The following ZNF532 variants were observed in gnomAD, a reference collection of about 807,000 sequenced individuals.
ZNF532 encodes the protein zinc finger protein 532.
A neutral mutation model predicts 89.3 loss-of-function variants in ZNF532; 22 were observed. The ratio of observed to expected loss-of-function variants is 0.25; its 90% CI spans 0.18 to 0.35. The LOEUF is 0.35. Ranked by LOEUF, ZNF532 falls within the 10% of genes least tolerant of loss-of-function variation. ZNF532 has a pLI of 1.00. For missense variants in ZNF532, 1,132 were observed against 1,643.4 expected (o/e 0.69, Z 5.38); for synonymous variants, 606 against 649.6 (o/e 0.93, Z 1.02).
At position 58,872,698 on chromosome 18, in the gene ZNF532, CT is replaced by C. The variant is rs146289274; in HGVS notation, c.-18+7138del. On this transcript the variant is annotated intron_variant, in intron 2 of 9. Transcript: ENST00000591808. The stretch of plus-strand genomic sequence containing the variant: ...CTTCTCTCTGCCTTCCAACATTTAT[CT>C]TTTTTTTTTTTTTTTTTTGAGACCG... Among the ~76,000 whole-genome samples the C allele has an allele frequency of 4.5e-3, 620 of 138,560 alleles. 2 individuals are homozygous for C. The highest frequency in any genetic ancestry group is 0.011 in the Admixed American group (153 of 13,704). 90.9% of individuals were successfully genotyped at this position (138,560 alleles called of 152,430 possible).
chr18:58,918,818 G>C lies in ZNF532; in HGVS notation c.531G>C (p.Lys177Asn). 6.2e-7 allele frequency: 1 copy of C among 1,614,220 alleles called. No individual in the cohort carries two copies. Among genetic ancestry groups the C allele is most frequent in the Non-Finnish European group, 8.5e-7 (1 of 1,180,044 alleles). Residue 177 changes from lysine to asparagine, a missense_variant, in exon 3 of 10, where the codon AAG becomes AAC. By Grantham distance (94) the Lys-to-Asn change is moderately conservative. Coordinates refer to ENST00000591808, the MANE Select transcript of ZNF532 (RefSeq NM_001375912.1). Reference sequence around the variant, plus strand: ...CCCAGCAGGACTACGATAAGCTGAAGGCACTCGGAGGGGAAAACTCCAGCA... The same window carrying C: ...CCCAGCAGGACTACGATAAGCTGAACGCACTCGGAGGGGAAAACTCCAGCA... The part of the protein sequence containing the change: ...SAPQQDYDKL[K>N]ALGGENSSKT...
rs1253356197 is a variant in ZNF532, at chr18:58,947,945, A to T, written c.2706-122A>T. The stretch of plus-strand genomic sequence containing the variant: ...TTGTTTCAGAGCTAATCGTTGTTCT[A>T]TTTATTGTGTTTGTGTGTTCTCAAT... On this transcript the variant is annotated intron_variant, in intron 5 of 9. Transcript: ENST00000591808. 1.4e-5 allele frequency: 12 copies of T among 865,138 alleles called. 1 individual carries two copies. In the African/African-American group the frequency reaches 1.9e-4, roughly 14 times the overall value. 53.6% of individuals were successfully genotyped at this position (865,138 alleles called of 1,614,324 possible).
intron 8 of ZNF532, chr18:58,980,857 A>T (rs2067681666): frequency 1.3e-5 from 2 of 152,552 alleles, no homozygotes; most frequent in Non-Finnish European, 2.9e-5. Context: ...TGTCAGGCTC[A>T]TCTCAAACTT....
chr18:58,871,413 C>A (rs1166027424), intron 2 of ZNF532, among the ~76,000 whole-genome samples: 2 of 152,148 alleles, frequency 1.3e-5, no homozygotes, highest in Non-Finnish European at 2.9e-5. Flanking sequence ...TCATTTGATA[C>A]CGAAATGATG....
chr18:58,901,039 T>C (rs990921212), intron 2 of ZNF532, among the ~76,000 whole-genome samples: 2 of 152,212 alleles, frequency 1.3e-5, no homozygotes, highest in African/African-American at 4.8e-5. Flanking sequence ...GTCCTTGCCA[T>C]GTATAAAATA....
chr18:58,979,991 C>G (rs777083995), intron 8 of ZNF532: 1 of 152,214 alleles, frequency 6.6e-6, no homozygotes, highest in African/African-American at 2.4e-5. Context: ...TGTCACTCAG[C>G]TGGAATATAC....
intron 6 of ZNF532, among the ~76,000 whole-genome samples, chr18:58,951,643 G>GTTGTTTTTTTTTTT (rs1568405760): frequency 4.3e-5 from 1 of 23,320 alleles, no homozygotes; most frequent in Non-Finnish European, 6.9e-5. Context: ...CCCTCGCCCT[G>GTTGTTTTTTTTTTT]TTGTTTTTTT....
intron 6 of ZNF532, among the ~76,000 whole-genome samples, chr18:58,951,980 C>G (rs1389303276): frequency 6.6e-5 from 10 of 152,168 alleles, no homozygotes. Flanking sequence ...GCCACTTTCA[C>G]TGTTGCCTGT....
intron 7 of ZNF532, among the ~76,000 whole-genome samples, chr18:58,975,014 G>T (rs1166922919): frequency 6.6e-6 from 1 of 152,198 alleles, no homozygotes; most frequent in African/African-American, 2.4e-5. Flanking sequence ...ATTTTTAGGA[G>T]CACCGATGTT....
intron 2 of ZNF532, among the ~76,000 whole-genome samples, chr18:58,900,079 T>C (rs1229305659): frequency 6.6e-6 from 1 of 152,218 alleles, no homozygotes; most frequent in Non-Finnish European, 1.5e-5. Flanking sequence ...CAGATCTCTT[T>C]GTCTAGAGGC....
intron 2 of ZNF532, among the ~76,000 whole-genome samples, chr18:58,872,735 T>TGTC (rs2057097437): frequency 1.3e-5 from 2 of 150,660 alleles, no homozygotes; most frequent in African/African-American, 4.9e-5. Context: ...AGTTTTGCTG[T>TGTC]GTCGCTCAGG....
chr18:58,981,653 T>C, intron 9 of ZNF532, 36 bp downstream of exon 9: 1 of 1,610,954 alleles, frequency 6.2e-7, no homozygotes, highest in Non-Finnish European at 8.5e-7. Flanking sequence ...ACAGTGAAAT[T>C]GTGTTGACTT....
At position 58,979,081 on chromosome 18, in the gene ZNF532, G is replaced by C. The variant is rs1191888455; in HGVS notation, c.3177G>C (p.Gln1059His). Residue 1059 changes from glutamine (Q) to histidine (H), a missense_variant, in exon 8 of 10, where the codon CAG becomes CAC. Physicochemically the swap from Gln to His is conservative, Grantham distance 24. This residue lies in a region of ZNF532 where 415 missense variants were observed against 604.8 expected (regional missense o/e 0.69). Transcript: ENST00000591808. ...GKQMKKHPCR[Q>H]CDKSFSSSHS... ...AAATGAAGAAACACCCCTGCCGCCA[G>C]TGTGACAAGTCTTTCAGCTCGTCCC... 2 of 1,612,020 alleles carry C rather than the reference G, an allele frequency of 1.2e-6. No individual in the cohort carries two copies. Among genetic ancestry groups the C allele is most frequent in the South Asian group, 1.1e-5 (1 of 90,960 alleles).
chr18:58,953,244 G>A (rs558880065), intron 6 of ZNF532: 2 of 270,180 alleles, frequency 7.4e-6, no homozygotes, highest in African/African-American at 2.2e-5. Flanking sequence ...ATTAATTTGT[G>A]TTCAATACAG....
chr18:58,982,748 TC>T (rs1253766804), intron 9 of ZNF532, among the ~76,000 whole-genome samples: 1 of 152,164 alleles, frequency 6.6e-6, no homozygotes, highest in African/African-American at 2.4e-5. Context: ...GAGTAAAACC[TC>T]CTCAGAATAT....
chr18:58,918,679 C>T lies in ZNF532; in HGVS notation c.392C>T (p.Pro131Leu). ...LKDSTFSQFS[P>L]ISSAEEFDDD... ...GACTCGACATTCAGCCAGTTTAGCC[C>T]GATCTCCAGTGCTGAAGAGTTTGAT... Residue 131 changes from proline (P) to leucine (L), a missense_variant, in exon 3 of 10, where the codon CCG becomes CTG. Pro to Leu is a moderately conservative substitution (Grantham distance 98). Transcript: ENST00000591808. 3 of 1,614,072 alleles carry T rather than the reference C, an allele frequency of 1.9e-6. No individual in the cohort carries two copies. Among genetic ancestry groups the T allele is most frequent in the Non-Finnish European group, 1.7e-6 (2 of 1,180,026 alleles).
intron 4 of ZNF532, among the ~76,000 whole-genome samples, chr18:58,939,154 C>T (rs543113437): frequency 2.1e-5 from 3 of 140,484 alleles, no homozygotes; most frequent in East Asian, 4.1e-4. Flanking sequence ...GGCTGAGGCA[C>T]GAGAATTGCT....
intron 2 of ZNF532, among the ~76,000 whole-genome samples, chr18:58,874,442 T>A (rs1040528743): frequency 6.6e-5 from 10 of 152,200 alleles, no homozygotes; most frequent in Non-Finnish European, 1.2e-4. Flanking sequence ...CCTCCCAGGT[T>A]CAAGCGATTC....
intron 2 of ZNF532, among the ~76,000 whole-genome samples, chr18:58,895,073 C>T (rs749232473): frequency 6.6e-6 from 1 of 152,258 alleles, no homozygotes; most frequent in Non-Finnish European, 1.5e-5. Context: ...CCCTGTGGCA[C>T]AGAGCCATTG....
Sources: gnomAD v4.1 joint callset for allele counts (sites outside exome capture counted in the v4.1 genomes callset) on GRCh38, gnomAD v4.1.1 for gene constraint, gnomAD v4.1.1 regional missense constraint, MANE v1.5 for transcripts, NCBI Gene and HGNC (gene_info 2026-07-23, HGNC 2026-07-21) for gene names.